CRIM1: variants seen among roughly 807,000 people sequenced by gnomAD.
CRIM1 encodes cysteine-rich motor neuron 1 protein.
In CRIM1, 32 loss-of-function variants were observed where a neutral mutation model predicts 116.4. The ratio of observed to expected loss-of-function variants is 0.27; its 90% CI spans 0.21 to 0.37. The LOEUF is 0.37. Ranked by LOEUF, CRIM1 falls within the 10% of genes least tolerant of loss-of-function variation. The pLI is 1.00. For missense variants in CRIM1, 1,331 were observed against 1,354.8 expected (o/e 0.98, Z 0.28); for synonymous variants, 590 against 509.2 (o/e 1.16, Z -2.13).
chr2:36,359,654 T>C (rs1392890002), intron 1 of CRIM1, among the ~76,000 whole-genome samples: 1 of 152,236 alleles, frequency 6.6e-6, no homozygotes, highest in Non-Finnish European at 1.5e-5. Flanking sequence ...TTGTGTCCTG[T>C]GCACCATGTG....
chr2:36,394,751 T>A (rs1415138642), intron 1 of CRIM1, among the ~76,000 whole-genome samples: 1 of 152,122 alleles, frequency 6.6e-6, no homozygotes, highest in Non-Finnish European at 1.5e-5. Flanking sequence ...GATAATCATT[T>A]TACTAAAAGC....
intron 1 of CRIM1, chr2:36,378,225 A>G (rs984871535): frequency 2.2e-6 from 1 of 452,416 alleles, no homozygotes; most frequent in Admixed American, 2.4e-5. Context: ...GTGTTCAGTA[A>G]ATGTATTTTA....
At chr2:36,501,827 A>G (rs1355425031) in intron 8 of CRIM1, among the ~76,000 whole-genome samples, 4 of 151,958 alleles carry the variant, frequency 2.6e-5, no homozygotes, top group Non-Finnish European at 5.9e-5. Context: ...GACTTCCTAC[A>G]CTTGATTCTG....
chr2:36,387,019 A>T (rs574249206), intron 1 of CRIM1, among the ~76,000 whole-genome samples: 15 of 152,334 alleles, frequency 9.8e-5, no homozygotes. Context: ...TGCTGGGATC[A>T]AGTCTAAACT....
At chr2:36,537,293 A>C in intron 13 of CRIM1, 59 bp from the exon 14 acceptor site, 1 of 1,472,602 alleles carries the variant, frequency 6.8e-7, no homozygotes, top group East Asian at 2.3e-5. Flanking sequence ...TCTCACGTCT[A>C]ATAAGATCGT....
chr2:36,460,024 AG>A (rs1265220400), intron 4 of CRIM1, among the ~76,000 whole-genome samples: 1 of 152,026 alleles, frequency 6.6e-6, no homozygotes, highest in Non-Finnish European at 1.5e-5. Flanking sequence ...AGTGCCCTCT[AG>A]GGGTTTCCAT....
At chr2:36,500,173 CA>C (rs908831398) in intron 8 of CRIM1, among the ~76,000 whole-genome samples, 4 of 150,732 alleles carry the variant, frequency 2.7e-5, no homozygotes, top group Non-Finnish European at 1.5e-5. Flanking sequence ...ACCAAAAATA[CA>C]AAAAAAAATA....
intron 1 of CRIM1, among the ~76,000 whole-genome samples, chr2:36,381,417 C>T (rs1670761366): frequency 6.6e-6 from 1 of 152,098 alleles, no homozygotes; most frequent in South Asian, 2.1e-4. Context: ...TCTGGCAGAG[C>T]CAGGCTCAGG....
At chr2:36,383,532 C>G (rs1452665668) in intron 1 of CRIM1, among the ~76,000 whole-genome samples, 5 of 152,238 alleles carry the variant, frequency 3.3e-5, no homozygotes, top group African/African-American at 7.2e-5. Context: ...CTAGTTATGT[C>G]GTAGAGCAGT....
intron 7 of CRIM1, among the ~76,000 whole-genome samples, chr2:36,485,509 C>T (rs1396321987): frequency 6.6e-6 from 1 of 152,172 alleles, no homozygotes; most frequent in Non-Finnish European, 1.5e-5. Flanking sequence ...TCAAGCTGCC[C>T]TTCTAATGAG....
rs528611282 is a variant in CRIM1 at position 36,425,137 on chromosome 2, T to C, written c.506-16121T>C. 1.6e-4 allele frequency among the ~76,000 whole-genome samples: 24 copies of C among 152,322 alleles called. No individual in the cohort carries two copies. In the South Asian group the frequency reaches 5.0e-3, roughly 32 times the overall value. On this transcript the variant is annotated intron_variant, in intron 2 of 16. Transcript: ENST00000280527. Reference sequence around the variant, plus strand: ...GTTCTTCCGAGCTCAGTAGTGAGTTTGTGGAGGTGAGGGACTGGGTATCAT... The same window carrying C: ...GTTCTTCCGAGCTCAGTAGTGAGTTCGTGGAGGTGAGGGACTGGGTATCAT...
intron 4 of CRIM1, among the ~76,000 whole-genome samples, chr2:36,446,018 G>C (rs1460426790): frequency 6.6e-6 from 1 of 152,206 alleles, no homozygotes; most frequent in East Asian, 1.9e-4. Flanking sequence ...AGCTGATTAT[G>C]TGGAGAAATC....
chr2:36,439,667 T>C (rs1675627325), intron 2 of CRIM1, among the ~76,000 whole-genome samples: 1 of 152,110 alleles, frequency 6.6e-6, no homozygotes, highest in Non-Finnish European at 1.5e-5. Context: ...CCTCACTCCT[T>C]CAAGTCTTTG....
intron 14 of CRIM1, among the ~76,000 whole-genome samples, chr2:36,539,097 CAAG>C (rs1180497222): frequency 6.6e-6 from 1 of 152,118 alleles, no homozygotes; most frequent in African/African-American, 2.4e-5. Flanking sequence ...AGGTAGCCAC[CAAG>C]ATGGGGATCC....
At chr2:36,503,072 C>T (rs988616586) in intron 8 of CRIM1, among the ~76,000 whole-genome samples, 4 of 152,204 alleles carry the variant, frequency 2.6e-5, no homozygotes, top group Middle Eastern at 3.2e-3. Context: ...CTCCCCCATT[C>T]GTATTAGCAA....
At chr2:36,547,988 C>G (rs901165626) in intron 16 of CRIM1, among the ~76,000 whole-genome samples, 1 of 152,140 alleles carries the variant, frequency 6.6e-6, no homozygotes, top group Non-Finnish European at 1.5e-5. Context: ...TGCGGTTATC[C>G]TGCCTCCGAT....
intron 2 of CRIM1, among the ~76,000 whole-genome samples, chr2:36,440,748 A>G (rs1675756011): frequency 1.3e-5 from 2 of 152,228 alleles, no homozygotes; most frequent in Non-Finnish European, 2.9e-5. Flanking sequence ...GTCACAGACT[A>G]TTAATAGAAT....
intron 13 of CRIM1, among the ~76,000 whole-genome samples, chr2:36,534,069 G>A (rs1364703425): frequency 1.4e-5 from 2 of 143,512 alleles, no homozygotes; most frequent in Non-Finnish European, 3.1e-5. Context: ...AGGAAGGTGA[G>A]GGAGTGGGAA....
At chr2:36,383,954 A>C (rs1007139273) in intron 1 of CRIM1, among the ~76,000 whole-genome samples, 4 of 152,242 alleles carry the variant, frequency 2.6e-5, no homozygotes, top group African/African-American at 9.6e-5. Context: ...AAGATACAGC[A>C]GTGAACGAGA....
Sources: allele counts gnomAD v4.1 joint callset (sites outside exome capture counted in the v4.1 genomes callset), GRCh38; gene constraint gnomAD v4.1.1; transcripts MANE v1.5; gene names NCBI Gene and HGNC (gene_info 2026-07-23, HGNC 2026-07-21).